LMX1A: variants seen among roughly 807,000 people sequenced by gnomAD.
The protein encoded by LMX1A is LIM homeobox transcription factor 1 alpha.
In LMX1A, 15 loss-of-function variants were observed where a neutral mutation model predicts 49.1. The observed-to-expected ratio is 0.31, with a 90% CI of 0.20 to 0.47. The LOEUF is 0.47. Among genes scored for constraint, LMX1A ranks in the 20% least tolerant of loss-of-function variants. The pLI is 1.00. For synonymous variants in LMX1A, 167 were observed against 185.7 expected (o/e 0.90, Z 0.82); for missense variants, 372 against 475.8 (o/e 0.78, Z 2.03).
chr1:165,232,980 A>G (rs1652287220), intron 4 of LMX1A, among the ~76,000 whole-genome samples: 1 of 152,182 alleles, frequency 6.6e-6, no homozygotes, highest in Admixed American at 6.5e-5. Flanking sequence ...TGTTGAACGG[A>G]CCAGCAGAAG....
At chr1:165,228,663 C>T (rs1652130572) in intron 4 of LMX1A, among the ~76,000 whole-genome samples, 1 of 152,186 alleles carries the variant, frequency 6.6e-6, no homozygotes, top group Non-Finnish European at 1.5e-5. Flanking sequence ...CTTCCTTGAA[C>T]CTAGCTTTGT....
intron 4 of LMX1A, among the ~76,000 whole-genome samples, chr1:165,217,677 G>A (rs1651692259): frequency 6.6e-6 from 1 of 152,022 alleles, no homozygotes; most frequent in Non-Finnish European, 1.5e-5. Context: ...GCATATATGT[G>A]GGTTTCACAG....
intron 3 of LMX1A, among the ~76,000 whole-genome samples, chr1:165,317,802 G>A (rs1014173673): frequency 1.3e-5 from 2 of 152,194 alleles, no homozygotes; most frequent in African/African-American, 4.8e-5. Flanking sequence ...CAGGGTCAAC[G>A]CTACATTAAT....
At chr1:165,235,535 T>C (rs957188806) in intron 4 of LMX1A, among the ~76,000 whole-genome samples, 3 of 152,170 alleles carry the variant, frequency 2.0e-5, no homozygotes, top group African/African-American at 7.2e-5. Context: ...TACCGTGGCA[T>C]TACTTTTAAT....
At chr1:165,215,524 A>C (rs1246435045) in intron 4 of LMX1A, among the ~76,000 whole-genome samples, 1 of 152,158 alleles carries the variant, frequency 6.6e-6, no homozygotes, top group African/African-American at 2.4e-5. Context: ...TGTGTGAGCT[A>C]CACATCCTTT....
At chr1:165,316,094 G>C (rs1416265789) in intron 3 of LMX1A, among the ~76,000 whole-genome samples, 1 of 152,218 alleles carries the variant, frequency 6.6e-6, no homozygotes, top group Non-Finnish European at 1.5e-5. Flanking sequence ...CTGTCCATGG[G>C]ACATGGTATG....
intron 3 of LMX1A, among the ~76,000 whole-genome samples, chr1:165,271,692 G>T (rs1308174355): frequency 1.3e-5 from 2 of 152,084 alleles, no homozygotes; most frequent in Non-Finnish European, 2.9e-5. Flanking sequence ...CATCATAAAA[G>T]GAAGAGAGCC....
At chr1:165,232,280 G>C (rs1024131083) in intron 4 of LMX1A, among the ~76,000 whole-genome samples, 2 of 152,164 alleles carry the variant, frequency 1.3e-5, no homozygotes, top group African/African-American at 4.8e-5. Flanking sequence ...ACTGTGTCTG[G>C]GCTTGGAGAC....
chr1:165,303,703 G>T (rs1268711727), intron 3 of LMX1A, among the ~76,000 whole-genome samples: 1 of 152,108 alleles, frequency 6.6e-6, no homozygotes, highest in Non-Finnish European at 1.5e-5. Context: ...GGCGGGTACT[G>T]GACAGGAATG....
At chr1:165,345,147 A>G (rs1267041327) in intron 3 of LMX1A, among the ~76,000 whole-genome samples, 1 of 152,220 alleles carries the variant, frequency 6.6e-6, no homozygotes. Context: ...TGAGCTTAAG[A>G]GGCTAATCTG....
intron 3 of LMX1A, among the ~76,000 whole-genome samples, chr1:165,347,182 G>A (rs901875905): frequency 6.6e-6 from 1 of 152,178 alleles, no homozygotes; most frequent in Non-Finnish European, 1.5e-5. Context: ...GCCCTTCTAA[G>A]GGGGCACAAA....
rs139331246 is a variant in LMX1A, at chr1:165,292,900, C to T, written c.264-43260G>A. ...TTGGGAAGCTGAGGTGGGCAGATCACGAGGTCAGGAGATTGAGACCATCCT... is the reference window on the plus strand; with the variant it reads ...TTGGGAAGCTGAGGTGGGCAGATCATGAGGTCAGGAGATTGAGACCATCCT... On this transcript the variant is annotated intron_variant, in intron 3 of 8. Coordinates refer to ENST00000342310, the MANE Select transcript of LMX1A (RefSeq NM_177398.4). Among the ~76,000 whole-genome samples, 9 of 152,184 alleles carry T rather than the reference C, an allele frequency of 5.9e-5. No individual in the cohort carries two copies. In the South Asian group the frequency reaches 1.0e-3, roughly 18 times the overall value.
intron 3 of LMX1A, among the ~76,000 whole-genome samples, chr1:165,277,974 C>T (rs79546880): frequency 0.027 from 4,042 of 152,290 alleles, 186 homozygotes; most frequent in African/African-American, 0.094. Flanking sequence ...GTTGTAACAG[C>T]TAATACTGTG....
chr1:165,264,875 C>G (rs1479570635), intron 3 of LMX1A, among the ~76,000 whole-genome samples: 1 of 151,740 alleles, frequency 6.6e-6, no homozygotes, highest in East Asian at 1.9e-4. Flanking sequence ...CCACTCTACT[C>G]CAGCTTGGGA....
intron 4 of LMX1A, among the ~76,000 whole-genome samples, chr1:165,235,820 T>A (rs1044959440): frequency 6.6e-6 from 1 of 152,264 alleles, no homozygotes; most frequent in Non-Finnish European, 1.5e-5. Flanking sequence ...CTAATTGAAG[T>A]GACGGCTTTG....
At chr1:165,248,269 A>C (rs543624389) in intron 4 of LMX1A, among the ~76,000 whole-genome samples, 3 of 152,292 alleles carry the variant, frequency 2.0e-5, no homozygotes, top group African/African-American at 7.2e-5. Flanking sequence ...GACAGGTGCT[A>C]GGGCCTAGTA....
At position 165,203,698 on chromosome 1, in the gene LMX1A, T is replaced by C. The variant is rs1410831777; in HGVS notation, c.*182A>G. 1.9e-6 allele frequency: 1 copy of C among 531,934 alleles called. No individual in the cohort carries two copies. The highest frequency in any genetic ancestry group is 3.4e-6 in the Non-Finnish European group (1 of 294,630). 33.0% of individuals were successfully genotyped at this position (531,934 alleles called of 1,614,324 possible). A position where few individuals can be genotyped will look rare whatever the true frequency, so the allele number is the denominator to read the frequency against. On this transcript the variant is annotated 3_prime_UTR_variant, in exon 9 of 9. Transcript: ENST00000342310. ...TTATTAGAAACATTAAACTATGCAATCCATAATGTATTCAGTCTTTGGAAA... is the reference window on the plus strand; with the variant it reads ...TTATTAGAAACATTAAACTATGCAACCCATAATGTATTCAGTCTTTGGAAA...
intron 4 of LMX1A, among the ~76,000 whole-genome samples, chr1:165,232,376 T>C (rs573075530): frequency 6.6e-6 from 1 of 152,356 alleles, no homozygotes; most frequent in East Asian, 1.9e-4. Context: ...TGCATGGTTT[T>C]ATCAGCCTCT....
Position 165,355,082 on chromosome 1 carries a change from C to G in LMX1A, c.76+402G>C, listed in dbSNP as rs1490609696. Among the ~76,000 whole-genome samples, 6 of 152,180 alleles carry G rather than the reference C, an allele frequency of 3.9e-5. No individual in the cohort carries two copies. Among genetic ancestry groups the G allele is most frequent in the Non-Finnish European group, 7.3e-5 (5 of 68,034 alleles). On this transcript the variant is annotated intron_variant, in intron 2 of 8. Coordinates refer to ENST00000342310, the MANE Select transcript of LMX1A (RefSeq NM_177398.4). The surrounding 1 kb of genome is among the most constrained non-coding windows in gnomAD (Gnocchi z 4.7). Reference sequence around the variant, plus strand: ...GGAGTTGGTGGGGGAGAGAAGCCTCCTCGAACTTGGGCGCTCCAGGCCTCG... The same window carrying G: ...GGAGTTGGTGGGGGAGAGAAGCCTCGTCGAACTTGGGCGCTCCAGGCCTCG...
Sources: gnomAD v4.1 joint callset for allele counts (sites outside exome capture counted in the v4.1 genomes callset) on GRCh38, gnomAD v4.1.1 for gene constraint, Gnocchi (gnomAD v3.1) non-coding constraint, MANE v1.5 for transcripts, NCBI Gene and HGNC (gene_info 2026-07-23, HGNC 2026-07-21) for gene names.